The following AFF3 variants were observed in gnomAD, a reference collection of about 807,000 sequenced individuals.
AFF3 encodes the protein AF4/FMR2 family member 3.
A neutral mutation model predicts 129.7 loss-of-function variants in AFF3; 32 were observed. The observed-to-expected ratio is 0.25, with a 90% confidence interval of 0.19 to 0.33. The LOEUF (loss-of-function observed/expected upper bound fraction) is 0.33, where lower values mean the gene tolerates loss of function less well. Among genes scored for constraint, AFF3 ranks in the 10% least tolerant of loss-of-function variants. AFF3 has a pLI of 1.00. For synonymous variants in AFF3, 644 were observed against 635.4 expected, an observed-to-expected ratio of 1.01 and a Z score of -0.20; for missense variants, 1,373 against 1,592.0, an observed-to-expected ratio of 0.86 and a Z score of 2.34.
At chr2:100,061,596 G>C (rs1687274112) in intron 4 of AFF3, among the ~76,000 whole-genome samples, 1 of 152,202 alleles carries the variant, frequency 6.6e-6, no homozygotes, top group Non-Finnish European at 1.5e-5. Flanking sequence ...CTGCATGTTT[G>C]TATGGGCAGG....
At chr2:99,770,271 G>A (rs1482529831) in intron 8 of AFF3, among the ~76,000 whole-genome samples, 1 of 152,188 alleles carries the variant, frequency 6.6e-6, no homozygotes, top group Non-Finnish European at 1.5e-5. Context: ...GACCACGACA[G>A]GCCCACAGGG....
At chr2:99,810,830 T>C (rs1447431462) in intron 8 of AFF3, among the ~76,000 whole-genome samples, 2 of 152,202 alleles carry the variant, frequency 1.3e-5, no homozygotes, top group African/African-American at 4.8e-5. Flanking sequence ...TCTTGCTCCT[T>C]GCAATTTCTC....
At chr2:100,004,534 C>T (rs975728409) in intron 7 of AFF3, among the ~76,000 whole-genome samples, 1 of 152,124 alleles carries the variant, frequency 6.6e-6, no homozygotes, top group African/African-American at 2.4e-5. Flanking sequence ...AATCCTCCCA[C>T]CTCAGCCTCC....
intron 14 of AFF3, among the ~76,000 whole-genome samples, chr2:99,599,298 A>C (rs905496338): frequency 1.3e-5 from 2 of 152,124 alleles, no homozygotes; most frequent in Non-Finnish European, 2.9e-5. Context: ...TCGCTCTGTC[A>C]CCCAGGCTGG....
At chr2:99,980,088 T>C (rs1679262098) in intron 7 of AFF3, among the ~76,000 whole-genome samples, 1 of 152,222 alleles carries the variant, frequency 6.6e-6, no homozygotes, top group Admixed American at 6.5e-5. Context: ...CTTGGGTTTA[T>C]AGCACCACTA....
At chr2:99,937,560 A>G (rs2106327978) in intron 7 of AFF3, among the ~76,000 whole-genome samples, 1 of 152,102 alleles carries the variant, frequency 6.6e-6, no homozygotes, top group African/African-American at 2.4e-5. Context: ...TACCACGCCC[A>G]GCTAATTTTT....
In AFF3 at chr2:99,705,970, C is replaced by T. The variant is rs1238835440; in HGVS notation, c.1091+21107G>A. ...ATGGTGGTTTCCAAATCTGACCAAA[C>T]ATCAAAATCGATTAAGAAACTTTGC... On this transcript the variant is annotated intron_variant, in intron 11 of 24. Transcript: ENST00000672756. Among the ~76,000 whole-genome samples the T allele has an allele frequency of 6.2e-5, 9 of 145,888 alleles. No individual in the cohort carries two copies. In the South Asian group the frequency reaches 2.0e-3, roughly 33 times the overall value.
At chr2:99,786,963 A>C (rs1684843923) in intron 8 of AFF3, among the ~76,000 whole-genome samples, 1 of 152,194 alleles carries the variant, frequency 6.6e-6, no homozygotes, top group Admixed American at 6.5e-5. Flanking sequence ...ATATTAACAC[A>C]GTCAAGCACC....
intron 13 of AFF3, among the ~76,000 whole-genome samples, chr2:99,613,400 T>C (rs1020949698): frequency 1.3e-5 from 2 of 152,234 alleles, no homozygotes; most frequent in African/African-American, 2.4e-5. Flanking sequence ...TTCTTTGATA[T>C]CTTTCACAAT....
chr2:99,691,610 T>C (rs1298663726), intron 11 of AFF3, among the ~76,000 whole-genome samples: 1 of 152,238 alleles, frequency 6.6e-6, no homozygotes, highest in African/African-American at 2.4e-5. Context: ...ACCAGCAGTT[T>C]ATCAACTTTG....
At chr2:100,080,378 C>A (rs1306468756) in intron 4 of AFF3, among the ~76,000 whole-genome samples, 1 of 152,146 alleles carries the variant, frequency 6.6e-6, no homozygotes, top group Non-Finnish European at 1.5e-5. Flanking sequence ...TAATATAGTT[C>A]ATCTTGAAGA....
intron 7 of AFF3, among the ~76,000 whole-genome samples, chr2:99,945,633 C>T (rs1675489708): frequency 6.6e-6 from 1 of 152,214 alleles, no homozygotes; most frequent in Non-Finnish European, 1.5e-5. Context: ...GCCTCACCCT[C>T]ACTGGAGAAA....
At chr2:99,949,335 G>A (rs1675925281) in intron 7 of AFF3, among the ~76,000 whole-genome samples, 1 of 152,048 alleles carries the variant, frequency 6.6e-6, no homozygotes, top group Non-Finnish European at 1.5e-5. Flanking sequence ...TTCACCTAAT[G>A]CAGCAGTCCC....
In AFF3 at chr2:100,049,452, T is replaced by C. The variant is rs941755618; in HGVS notation, c.54-40520A>G. 3.9e-5 allele frequency among the ~76,000 whole-genome samples: 6 copies of C among 152,180 alleles called. No homozygotes were observed. The East Asian group carries it at 9.6e-4, about 24-fold the overall frequency. The stretch of plus-strand genomic sequence containing the variant: ...AATGAGATGTGACAACTAAACATAA[T>C]GTGTGATCTCTGGCTAGATTTCGGA... On this transcript the variant is annotated intron_variant, in intron 4 of 24. Coordinates refer to ENST00000672756, the MANE Select transcript of AFF3 (RefSeq NM_001386135.1).
chr2:100,101,228 T>C (rs756038129), intron 4 of AFF3, among the ~76,000 whole-genome samples: 3 of 152,226 alleles, frequency 2.0e-5, no homozygotes, highest in Non-Finnish European at 4.4e-5. Context: ...ATTGTGTATA[T>C]TGATTATATT....
chr2:99,649,213 AAG>A (rs1685005700), intron 13 of AFF3, among the ~76,000 whole-genome samples: 1 of 152,192 alleles, frequency 6.6e-6, no homozygotes, highest in Non-Finnish European at 1.5e-5. Context: ...AAAATATTTC[AAG>A]AGAGAGAATC....
At chr2:99,742,173 T>C (rs1000163202) in intron 10 of AFF3, among the ~76,000 whole-genome samples, 1 of 152,120 alleles carries the variant, frequency 6.6e-6, no homozygotes, top group Non-Finnish European at 1.5e-5. Context: ...CTGTGCAACA[T>C]AGTGAAATGC....
chr2:100,115,829 A>G (rs1271732585), intron 2 of AFF3, among the ~76,000 whole-genome samples: 1 of 152,166 alleles, frequency 6.6e-6, no homozygotes, highest in Non-Finnish European at 1.5e-5. Flanking sequence ...TTTTATGTTT[A>G]TAATTGAAGG....
At chr2:99,938,697 G>C (rs1027399759) in intron 7 of AFF3, among the ~76,000 whole-genome samples, 11 of 152,186 alleles carry the variant, frequency 7.2e-5, no homozygotes, top group Admixed American at 6.5e-4. Context: ...TCTGCCATCA[G>C]ACAGCCTTTG....
Sources: gnomAD v4.1 joint callset for allele counts (sites outside exome capture counted in the v4.1 genomes callset) on GRCh38, gnomAD v4.1.1 for gene constraint, MANE v1.5 for transcripts, NCBI Gene and HGNC (gene_info 2026-07-23, HGNC 2026-07-21) for gene names.